ADAMTS19: variants seen among roughly 807,000 people sequenced by gnomAD.
ADAMTS19 encodes the protein A disintegrin and metalloproteinase with thrombospondin motifs 19.
A neutral mutation model predicts 153.3 loss-of-function variants in ADAMTS19; 93 were observed. That is an observed-to-expected ratio of 0.61 (90% CI 0.51 to 0.72). The LOEUF (loss-of-function observed/expected upper bound fraction) is 0.72. ADAMTS19 is among the 30% of genes least tolerant of loss of function. ADAMTS19 has a pLI of 0.00. For synonymous variants in ADAMTS19, 600 were observed against 556.6 expected (o/e 1.08, Z -1.10); for missense variants, 1,482 against 1,552.1 (o/e 0.95, Z 0.76).
chr5:129,735,689 T>G (rs1229966143), intron 22 of ADAMTS19, among the ~76,000 whole-genome samples: 1 of 152,042 alleles, frequency 6.6e-6, no homozygotes, highest in Non-Finnish European at 1.5e-5. Flanking sequence ...TGTTATGAAA[T>G]GCCTTCATAT....
chr5:129,588,546 T>C (rs1318311539), intron 7 of ADAMTS19, among the ~76,000 whole-genome samples: 1 of 152,044 alleles, frequency 6.6e-6, no homozygotes, highest in African/African-American at 2.4e-5. Flanking sequence ...AGATCAGTTA[T>C]TGATACTAGT....
rs575485037 is a variant in ADAMTS19, at chr5:129,546,322, C to A, written c.1329-5542C>A. 1.7e-3 allele frequency among the ~76,000 whole-genome samples: 251 copies of A among 150,424 alleles called. 22 individuals carry two copies. The highest frequency in any genetic ancestry group is 5.8e-3 in the African/African-American group (232 of 39,986). ...TTGTGGGTGCAGCGCACCAGCATGG[C>A]ACATGTATACATATGTAACTAACCT... On this transcript the variant is annotated intron_variant, in intron 6 of 22. Coordinates refer to ENST00000274487, the MANE Select transcript of ADAMTS19 (RefSeq NM_133638.6).
chr5:129,669,811 T>C (rs1416245606), intron 16 of ADAMTS19, among the ~76,000 whole-genome samples: 1 of 152,110 alleles, frequency 6.6e-6, no homozygotes, highest in South Asian at 2.1e-4. Flanking sequence ...TAATTCCCCA[T>C]GTGATTTTTT....
chr5:129,588,137 C>T (rs540036306), intron 7 of ADAMTS19, among the ~76,000 whole-genome samples: 75 of 152,202 alleles, frequency 4.9e-4, no homozygotes, highest in Non-Finnish European at 8.8e-4. Flanking sequence ...TGAATGGATA[C>T]GTTTACTTCT....
intron 7 of ADAMTS19, among the ~76,000 whole-genome samples, chr5:129,575,713 A>C (rs1478885439): frequency 1.3e-5 from 2 of 152,218 alleles, no homozygotes; most frequent in East Asian, 3.9e-4. Context: ...TGTGTAATCT[A>C]CCATGTATGA....
chr5:129,625,757 G>T (rs1752008148), intron 10 of ADAMTS19, among the ~76,000 whole-genome samples: 1 of 152,064 alleles, frequency 6.6e-6, no homozygotes, highest in Non-Finnish European at 1.5e-5. Context: ...TTTGTCAGAT[G>T]GGTAGATTGC....
intron 19 of ADAMTS19, among the ~76,000 whole-genome samples, chr5:129,700,244 T>G (rs1440309021): frequency 5.9e-5 from 9 of 152,192 alleles, no homozygotes; most frequent in African/African-American, 2.2e-4. Flanking sequence ...TATTAGCTGC[T>G]GAATCAGTGA....
intron 16 of ADAMTS19, among the ~76,000 whole-genome samples, chr5:129,676,043 T>A (rs559954591): frequency 3.3e-5 from 5 of 151,958 alleles, no homozygotes; most frequent in Admixed American, 6.5e-5. Flanking sequence ...TCAGAAAAAA[T>A]AATAATAATA....
In ADAMTS19 at chr5:129,641,926, C is replaced by T; in HGVS notation, c.1838C>T (p.Pro613Leu). The change falls in exon 11 of 23, where the codon CCA (proline) becomes CTA (leucine). Residue 613 changes from proline (P) to leucine (L), a missense_variant. Transcript: ENST00000274487. ...AAAGAATGCAGAACCAAGCTAGACC[C>T]ACCAATGGATGGAACTGACTGTGAC... ...GEKECRTKLD[P>L]PMDGTDCDLG... 6.2e-7 allele frequency: 1 copy of T among 1,602,490 alleles called. No individual in the cohort carries two copies. The highest frequency in any genetic ancestry group is 1.4e-5 in the African/African-American group (1 of 73,700).
chr5:129,701,809 G>T (rs541569410), intron 20 of ADAMTS19, among the ~76,000 whole-genome samples: 1 of 151,912 alleles, frequency 6.6e-6, no homozygotes, highest in East Asian at 1.9e-4. Context: ...ACATAATCAA[G>T]GGCATATTTT....
chr5:129,726,046 T>C (rs1757198784), intron 21 of ADAMTS19, among the ~76,000 whole-genome samples: 1 of 152,200 alleles, frequency 6.6e-6, no homozygotes, highest in South Asian at 2.1e-4. Context: ...TTGTGTCTTG[T>C]TGTTTGTCTA....
At chr5:129,642,469 A>C (rs1287172638) in intron 11 of ADAMTS19, among the ~76,000 whole-genome samples, 1 of 152,174 alleles carries the variant, frequency 6.6e-6, no homozygotes, top group Non-Finnish European at 1.5e-5. Context: ...ATAAGGCTTT[A>C]AAAATTTGTT....
intron 7 of ADAMTS19, among the ~76,000 whole-genome samples, chr5:129,590,363 T>C (rs748166505): frequency 3.3e-5 from 5 of 152,194 alleles, no homozygotes; most frequent in Non-Finnish European, 7.4e-5. Context: ...TTGTGATTTC[T>C]ACGTGTTTTT....
At chr5:129,509,273 T>A in intron 3 of ADAMTS19, 31 bp downstream of exon 3, 1 of 1,591,226 alleles carries the variant, frequency 6.3e-7, no homozygotes, top group Non-Finnish European at 8.6e-7. Context: ...GAGTTTTAAG[T>A]AAATATTCAA....
At chr5:129,539,843 G>A (rs1457602975) in intron 6 of ADAMTS19, among the ~76,000 whole-genome samples, 1 of 151,898 alleles carries the variant, frequency 6.6e-6, no homozygotes, top group Non-Finnish European at 1.5e-5. Flanking sequence ...TTACTCACTT[G>A]TGGGACAAGG....
intron 2 of ADAMTS19, among the ~76,000 whole-genome samples, chr5:129,462,327 A>T (rs1349890744): frequency 6.6e-6 from 1 of 152,098 alleles, no homozygotes; most frequent in Non-Finnish European, 1.5e-5. Flanking sequence ...GTTGGGAGGG[A>T]CTCAACTGAG....
intron 8 of ADAMTS19, among the ~76,000 whole-genome samples, chr5:129,610,648 C>T (rs1416539524): frequency 2.0e-5 from 3 of 152,124 alleles, no homozygotes; most frequent in Admixed American, 1.3e-4. Context: ...CATAGTATTC[C>T]ATGGTGTATA....
chr5:129,590,325 A>G (rs1750055742), intron 7 of ADAMTS19, among the ~76,000 whole-genome samples: 1 of 152,184 alleles, frequency 6.6e-6, no homozygotes, highest in Non-Finnish European at 1.5e-5. Context: ...TCAGCTATAC[A>G]TTCAAAAAAA....
chr5:129,505,435 C>T (rs1052520683), intron 2 of ADAMTS19, among the ~76,000 whole-genome samples: 2 of 151,998 alleles, frequency 1.3e-5, no homozygotes, highest in Non-Finnish European at 1.5e-5. Context: ...TTTAATAGCC[C>T]ATAGTTAACT....
Sources: allele counts gnomAD v4.1 joint callset (sites outside exome capture counted in the v4.1 genomes callset), GRCh38; gene constraint gnomAD v4.1.1; transcripts MANE v1.5; gene names NCBI Gene and HGNC (gene_info 2026-07-23, HGNC 2026-07-21).